The following PRMT8 variants were observed in gnomAD, a reference collection of about 807,000 sequenced individuals.
PRMT8 encodes protein arginine methyltransferase 8.
PRMT8 carries 7 observed loss-of-function variants against 47.1 expected under a neutral mutation model. That is an observed-to-expected ratio of 0.15 (90% CI 0.08 to 0.28). The LOEUF (loss-of-function observed/expected upper bound fraction) is 0.28, where lower values mean the gene tolerates loss of function less well. PRMT8 is among the 10% of genes least tolerant of loss of function. The pLI is 1.00. For synonymous variants in PRMT8, 188 were observed against 186.5 expected (o/e 1.01, Z -0.07); for missense variants, 237 against 505.4 (o/e 0.47, Z 5.09).
chr12:3,517,731 G>C (rs1865817432), intron 1 of PRMT8, among the ~76,000 whole-genome samples: 1 of 152,122 alleles, frequency 6.6e-6, no homozygotes, highest in Admixed American at 6.5e-5. Context: ...ACAAGGGAAA[G>C]AGGGAACTTA....
At position 3,567,187 on chromosome 12, in the gene PRMT8, A is replaced by G. The variant is rs548300164; in HGVS notation, c.482-1519A>G. On this transcript the variant is annotated intron_variant, in intron 4 of 9. Transcript: ENST00000382622. ...GTCCACCTTCTGTTGAGCTTTAGCT[A>G]TGGGCCTGGCACTCCACATGTGTTA... Among the ~76,000 whole-genome samples the G allele has an allele frequency of 2.0e-5, 3 of 152,346 alleles. No individual in the cohort carries two copies. In the South Asian group the frequency reaches 6.2e-4, roughly 32 times the overall value.
chr12:3,555,272 G>T (rs904441318), intron 4 of PRMT8, among the ~76,000 whole-genome samples: 3 of 152,224 alleles, frequency 2.0e-5, no homozygotes, highest in African/African-American at 7.2e-5. Context: ...CTGACAGGAC[G>T]GAGAGAGACC....
intron 1 of PRMT8, among the ~76,000 whole-genome samples, chr12:3,505,631 A>G (rs1390278551): frequency 6.6e-6 from 1 of 152,230 alleles, no homozygotes; most frequent in Non-Finnish European, 1.5e-5. Flanking sequence ...TCTGTTTTGC[A>G]ATTAAGGAAA....
upstream of PRMT8, among the ~76,000 whole-genome samples, chr12:3,490,688 A>AGC (rs1457621711): frequency 6.1e-5 from 6 of 99,052 alleles, no homozygotes; most frequent in African/African-American, 2.3e-4. Flanking sequence ...AGAGAGAGAG[A>AGC]GAGAGAGAGA....
At position 3,552,585 on chromosome 12, in the gene PRMT8, CTGAAGGCCAGGGA is replaced by C. The variant is rs1325675602; in HGVS notation, c.418-1065_418-1053del. 2.6e-6 allele frequency: 1 copy of C among 377,792 alleles called. No individual in the cohort carries two copies. The highest frequency in any genetic ancestry group is 7.3e-5 in the East Asian group (1 of 13,606). The allele number at this position is 377,792 out of a possible 1,614,324, so 23.4% of individuals were successfully genotyped here. On this transcript the variant is annotated intron_variant, in intron 3 of 9. Transcript: ENST00000382622. The surrounding 1 kb of genome is among the most constrained non-coding windows in gnomAD (Gnocchi z 4.5). ...AATCACACCCCACAGACAGTGCAGC[CTGAAGGCCAGGGA>C]CCTGGCAGCCCAGGAAAGGGCTGGT...
chr12:3,549,604 G>T (rs941506163), intron 2 of PRMT8, among the ~76,000 whole-genome samples: 1 of 151,944 alleles, frequency 6.6e-6, no homozygotes, highest in East Asian at 1.9e-4. Context: ...AGAAAGTTCT[G>T]CTTCGTGTTT....
chr12:3,429,149 AG>A (rs1404238428), intron 1 of PRMT8, among the ~76,000 whole-genome samples: 1 of 151,886 alleles, frequency 6.6e-6, no homozygotes, highest in Admixed American at 6.6e-5. Context: ...GGTGGGGCGG[AG>A]GGGGATGTCT....
chr12:3,415,391 T>G (rs1314801050), intron 1 of PRMT8, among the ~76,000 whole-genome samples: 1 of 152,176 alleles, frequency 6.6e-6, no homozygotes, highest in African/African-American at 2.4e-5. Context: ...GTGATCAACT[T>G]AACCTTCAGC....
intron 1 of PRMT8, among the ~76,000 whole-genome samples, chr12:3,448,614 G>A (rs1017923863): frequency 6.6e-6 from 1 of 152,092 alleles, no homozygotes; most frequent in Middle Eastern, 3.2e-3. Flanking sequence ...CTAGATGATA[G>A]TATCCCACTT....
chr12:3,470,513 G>A (rs895296705), intron 1 of PRMT8, among the ~76,000 whole-genome samples: 4 of 152,146 alleles, frequency 2.6e-5, no homozygotes, highest in Non-Finnish European at 4.4e-5. Context: ...AGGTCTGTGA[G>A]CTCCGTCCCT....
chr12:3,481,785 G>A (rs1865276229), intron 1 of PRMT8, among the ~76,000 whole-genome samples: 1 of 152,168 alleles, frequency 6.6e-6, no homozygotes, highest in African/African-American at 2.4e-5. Flanking sequence ...GTTACATGGT[G>A]TGACACTAGC....
intron 1 of PRMT8, among the ~76,000 whole-genome samples, chr12:3,417,151 A>T (rs1173230957): frequency 1.3e-5 from 2 of 152,204 alleles, no homozygotes; most frequent in South Asian, 2.1e-4. Flanking sequence ...TAAACCAAGG[A>T]TGTTTGAATG....
At chr12:3,510,008 G>A (rs1865687885) in intron 1 of PRMT8, among the ~76,000 whole-genome samples, 1 of 152,230 alleles carries the variant, frequency 6.6e-6, no homozygotes, top group South Asian at 2.1e-4. Flanking sequence ...GAGACTGTAG[G>A]GAGCCCCTGA....
intron 8 of PRMT8, among the ~76,000 whole-genome samples, chr12:3,585,981 A>C (rs1424265942): frequency 6.6e-6 from 1 of 152,174 alleles, no homozygotes; most frequent in African/African-American, 2.4e-5. Flanking sequence ...TTCCATCACC[A>C]GGATGATGTC....
In PRMT8 at chr12:3,441,236, G is replaced by A. The variant is rs190405336; in HGVS notation, c.48+59794G>A. On this transcript the variant is annotated intron_variant, in intron 1 of 9. Transcript: ENST00000452611. ...ATTAATCACTACAGTTATGTATTAA[G>A]AACTTTTTTTTACTTTTGTAGCATC... Among the ~76,000 whole-genome samples, 7 of 150,182 alleles carry A rather than the reference G, an allele frequency of 4.7e-5. No individual in the cohort carries two copies. In the East Asian group the frequency reaches 1.4e-3, roughly 29 times the overall value.
At chr12:3,416,935 A>G (rs1864489396) in intron 1 of PRMT8, among the ~76,000 whole-genome samples, 1 of 152,210 alleles carries the variant, frequency 6.6e-6, no homozygotes, top group Non-Finnish European at 1.5e-5. Flanking sequence ...GCAGAGAACA[A>G]ACAGTATGTG....
intron 1 of PRMT8, among the ~76,000 whole-genome samples, chr12:3,386,935 C>G (rs1410135707): frequency 6.6e-6 from 1 of 152,072 alleles, no homozygotes; most frequent in Non-Finnish European, 1.5e-5. Flanking sequence ...GTCTCGAACT[C>G]CTGACCTCAT....
chr12:3,526,437 A>G (rs1253758239), intron 1 of PRMT8, among the ~76,000 whole-genome samples: 1 of 152,210 alleles, frequency 6.6e-6, no homozygotes, highest in Admixed American at 6.5e-5. Flanking sequence ...AGGAACGGTC[A>G]TACTGTTTTC....
chr12:3,584,021 C>T (rs1867121411), intron 8 of PRMT8, among the ~76,000 whole-genome samples: 1 of 152,228 alleles, frequency 6.6e-6, no homozygotes, highest in African/African-American at 2.4e-5. Flanking sequence ...CAGAGGCTCT[C>T]ATCATCCCCT....
Sources: allele counts gnomAD v4.1 joint callset (sites outside exome capture counted in the v4.1 genomes callset), GRCh38; gene constraint gnomAD v4.1.1; non-coding constraint Gnocchi (gnomAD v3.1); transcripts MANE v1.5; gene names NCBI Gene and HGNC (gene_info 2026-07-23, HGNC 2026-07-21).